PEAK1: variants seen among roughly 807,000 people sequenced by gnomAD.
PEAK1 encodes pseudopodium enriched atypical kinase 1.
Under a neutral mutation model 124.7 loss-of-function variants are expected in PEAK1, and 54 were observed. The ratio of observed to expected loss-of-function variants is 0.43; its 90% CI spans 0.35 to 0.54. PEAK1 has a LOEUF of 0.54. Ranked by LOEUF, PEAK1 falls within the 20% of genes least tolerant of loss-of-function variation. The pLI is 0.01. For missense variants in PEAK1, 2,046 were observed against 2,134.5 expected (o/e 0.96, Z 0.82); for synonymous variants, 719 against 760.0 (o/e 0.95, Z 0.89).
chr15:77,298,197 ATTTTTTTTTTTTTTTTTTTT>A (rs749000554), intron 2 of PEAK1, among the ~76,000 whole-genome samples: 41 of 37,822 alleles, frequency 1.1e-3, no homozygotes, highest in African/African-American at 2.2e-3. Flanking sequence ...GGTATCCTTA[ATTTTTTTTTTTTTTTTTTTT>A]TTTTTTTTTT....
Position 77,133,707 on chromosome 15 carries a change from C to T in PEAK1, c.3375G>A (p.Gln1125=), listed in dbSNP as rs1392871237. The change falls in exon 9 of 10, where the codon CAG becomes CAA. Residue 1125 remains glutamine (Q), a synonymous_variant. Transcript: ENST00000682557. The surrounding 1 kb of genome is among the most constrained non-coding windows in gnomAD (Gnocchi z 4.2). ...AAMIPPKQPR[Q]PKGAVDDAIA... ...TGGCATCGTCCACAGCTCCCTTGGGCTGTCGTGGCTGCTTGGGAGGTATCA... is the reference window on the plus strand; with the variant it reads ...TGGCATCGTCCACAGCTCCCTTGGGTTGTCGTGGCTGCTTGGGAGGTATCA... 1.9e-6 allele frequency: 3 copies of T among 1,612,624 alleles called. No individual in the cohort carries two copies. In the African/African-American group the frequency reaches 4.0e-5, roughly 22 times the overall value.
rs2057233621 is a variant in PEAK1, at chr15:77,181,017, T to C, written c.910A>G (p.Ile304Val). 2 of 1,614,190 alleles carry C rather than the reference T, an allele frequency of 1.2e-6. No individual in the cohort carries two copies. Among genetic ancestry groups the C allele is most frequent in the East Asian group, 4.5e-5 (2 of 44,878 alleles). Reference protein sequence around the residue: ...IPLRNKSLQRICAVDYDDSYD... With the variant: ...IPLRNKSLQRVCAVDYDDSYD... Reference sequence around the variant, plus strand: ...CTGTCATCATAGTCCACAGCACAGATTCTCTGCAGAGACTTGTTTCGCAGG... The same window carrying C: ...CTGTCATCATAGTCCACAGCACAGACTCTCTGCAGAGACTTGTTTCGCAGG... The change falls in exon 7 of 10, where the codon ATC becomes GTC. Residue 304 changes from isoleucine (I) to valine (V), a missense_variant. By Grantham distance (29) the Ile-to-Val change is conservative (BLOSUM62 3). Transcript: ENST00000682557.
chr15:77,221,664 C>G (rs2059397511), intron 6 of PEAK1, among the ~76,000 whole-genome samples: 1 of 151,996 alleles, frequency 6.6e-6, no homozygotes, highest in African/African-American at 2.4e-5. Context: ...ACATTTTAGG[C>G]ACACTATAAG....
At chr15:77,299,359 T>C (rs910069654) in intron 2 of PEAK1, among the ~76,000 whole-genome samples, 6 of 152,226 alleles carry the variant, frequency 3.9e-5, no homozygotes, top group African/African-American at 1.2e-4. Context: ...AATTTGAAAG[T>C]TGCTGACATT....
chr15:77,397,335 A>C (rs993041623), intron 1 of PEAK1, among the ~76,000 whole-genome samples: 1 of 152,142 alleles, frequency 6.6e-6, no homozygotes, highest in Non-Finnish European at 1.5e-5. Flanking sequence ...ATTTACAGGT[A>C]TAATCACCTA....
At chr15:77,348,249 A>G (rs967663394) in intron 2 of PEAK1, 1 of 948,298 alleles carries the variant, frequency 1.1e-6, no homozygotes, top group African/African-American at 1.8e-5. Context: ...CACCTCTCAC[A>G]CTAATTAGCG....
At chr15:77,392,061 T>C (rs920622256) in intron 1 of PEAK1, among the ~76,000 whole-genome samples, 2 of 152,208 alleles carry the variant, frequency 1.3e-5, no homozygotes, top group Non-Finnish European at 2.9e-5. Context: ...ACTTGACACG[T>C]AGCATTGAAA....
At chr15:77,371,869 G>GGAA (rs2068666997) in intron 1 of PEAK1, among the ~76,000 whole-genome samples, 1 of 152,224 alleles carries the variant, frequency 6.6e-6, no homozygotes. Context: ...GGGAGACAGA[G>GGAA]GAAGACTCTG....
chr15:77,203,564 G>A (rs979132778), intron 6 of PEAK1, among the ~76,000 whole-genome samples: 1 of 151,970 alleles, frequency 6.6e-6, no homozygotes, highest in Admixed American at 6.6e-5. Flanking sequence ...TATGATACTG[G>A]CAAAAGAACA....
intron 2 of PEAK1, among the ~76,000 whole-genome samples, chr15:77,325,634 G>A (rs1430296789): frequency 6.6e-6 from 1 of 151,874 alleles, no homozygotes; most frequent in Non-Finnish European, 1.5e-5. Flanking sequence ...AAGAGTAAGT[G>A]CTACCTTTCT....
Position 77,171,099 on chromosome 15 carries a change from T to C in PEAK1, c.3137+7691A>G, listed in dbSNP as rs373376576. ...TCAATATTAGTGCCAGAAAATATTT[T>C]ATTAAAAAAATCATGCTACTTTCCC... is the stretch of plus-strand genomic sequence containing the variant. On this transcript the variant is annotated intron_variant, in intron 7 of 9. Coordinates refer to ENST00000682557, the MANE Select transcript of PEAK1 (RefSeq NM_001385026.1). Among the ~76,000 whole-genome samples, 10 of 151,776 alleles carry C rather than the reference T, an allele frequency of 6.6e-5. No homozygotes were observed. The South Asian group carries it at 1.2e-3, about 19-fold the overall frequency.
chr15:77,257,507 T>G (rs1451848270), intron 5 of PEAK1, among the ~76,000 whole-genome samples: 1 of 151,292 alleles, frequency 6.6e-6, no homozygotes, highest in Non-Finnish European at 1.5e-5. Context: ...ATGTGTCTTT[T>G]GGCTGCATAA....
intron 9 of PEAK1, among the ~76,000 whole-genome samples, chr15:77,128,097 G>A (rs970337671): frequency 3.1e-4 from 46 of 149,210 alleles, no homozygotes; most frequent in African/African-American, 1.0e-3. Flanking sequence ...AAAAAAAAAA[G>A]GGAAAGCTTG....
At chr15:77,331,104 T>C in intron 2 of PEAK1, 1 of 647,408 alleles carries the variant, frequency 1.5e-6, no homozygotes, top group Non-Finnish European at 1.9e-6. Flanking sequence ...TGAATCAATT[T>C]TCTATTTTAT....
At chr15:77,241,955 C>T (rs910993230) in intron 6 of PEAK1, among the ~76,000 whole-genome samples, 1 of 151,990 alleles carries the variant, frequency 6.6e-6, no homozygotes, top group Non-Finnish European at 1.5e-5. Context: ...CGCTTTTTTT[C>T]ACTGAATAAT....
intron 2 of PEAK1, chr15:77,337,728 G>A: frequency 1.0e-6 from 1 of 985,280 alleles, no homozygotes; most frequent in Non-Finnish European, 1.2e-6. Flanking sequence ...GCACAGTTAT[G>A]AACATAGTGT....
intron 2 of PEAK1, chr15:77,346,225 C>T: frequency 1.1e-6 from 1 of 927,490 alleles, no homozygotes; most frequent in Non-Finnish European, 1.3e-6. Context: ...ACTAAGAGTG[C>T]CACAGTTTCA....
chr15:77,350,108 G>A (rs1654084801), intron 2 of PEAK1: 2 of 985,370 alleles, frequency 2.0e-6, no homozygotes, highest in Non-Finnish European at 2.4e-6. Context: ...CCCCCAAATA[G>A]GTCTCTGTTC....
chr15:77,138,863 A>AG (rs1422698009), intron 8 of PEAK1, among the ~76,000 whole-genome samples: 2 of 149,854 alleles, frequency 1.3e-5, no homozygotes, highest in African/African-American at 4.9e-5. Flanking sequence ...CTCTGTCTCA[A>AG]AAAAAAAAAA....
Sources: allele counts gnomAD v4.1 joint callset (sites outside exome capture counted in the v4.1 genomes callset), GRCh38; gene constraint gnomAD v4.1.1; non-coding constraint Gnocchi (gnomAD v3.1); transcripts MANE v1.5; gene names NCBI Gene and HGNC (gene_info 2026-07-23, HGNC 2026-07-21).